The following MTHFD1L variants were observed in gnomAD, a reference collection of about 807,000 sequenced individuals.
MTHFD1L encodes methylenetetrahydrofolate dehydrogenase (NADP+ dependent) 1 like.
A neutral mutation model predicts 119.5 loss-of-function variants in MTHFD1L; 81 were observed. The observed-to-expected ratio is 0.68, with a 90% CI of 0.57 to 0.82. The LOEUF is 0.82. Ranked by LOEUF, MTHFD1L falls within the 40% of genes least tolerant of loss-of-function variation. The probability of loss-of-function intolerance (pLI) is 0.00; values close to 1 mark genes in which losing one functional copy is unlikely to be tolerated. For missense variants in MTHFD1L, 1,125 were observed against 1,253.4 expected (o/e 0.90, Z 1.55); for synonymous variants, 430 against 475.2 (o/e 0.90, Z 1.24).
chr6:150,961,294 A>G (rs1796413266), intron 18 of MTHFD1L, among the ~76,000 whole-genome samples: 2 of 152,214 alleles, frequency 1.3e-5, no homozygotes, highest in African/African-American at 2.4e-5. Flanking sequence ...GGGTTTCACC[A>G]GGTTGTCCAG....
Position 151,078,052 on chromosome 6 carries a change from C to CAA in MTHFD1L, c.2848-14394_2848-14393dup, listed in dbSNP as rs71014538. ...TGGGCGACAGAGCAAGACTCTGTCT[C>CAA]AAAAAAAAAAAAAAAAAAAAAATCA... is the stretch of plus-strand genomic sequence containing the variant. On this transcript the variant is annotated intron_variant, in intron 26 of 27. Transcript: ENST00000367321. 2.0e-3 allele frequency among the ~76,000 whole-genome samples: 119 copies of CAA among 59,902 alleles called. 12 individuals are homozygous for CAA. The highest frequency in any genetic ancestry group is 0.014 in the East Asian group (20 of 1,446). 39.3% of individuals were successfully genotyped at this position (59,902 alleles called of 152,430 possible). A position where few individuals can be genotyped will look rare whatever the true frequency, so the allele number is the denominator to read the frequency against.
chr6:150,986,138 A>G (rs1299378224), intron 20 of MTHFD1L, among the ~76,000 whole-genome samples: 1 of 152,178 alleles, frequency 6.6e-6, no homozygotes, highest in Non-Finnish European at 1.5e-5. Context: ...TGTTACTTTT[A>G]CCCAGCCAAG....
chr6:150,900,797 C>T (rs1784982489), intron 7 of MTHFD1L, among the ~76,000 whole-genome samples: 1 of 151,964 alleles, frequency 6.6e-6, no homozygotes, highest in South Asian at 2.1e-4. Context: ...GGGCAGATCA[C>T]GAGGTCAGGA....
chr6:150,971,421 A>G (rs1464221940), intron 19 of MTHFD1L, among the ~76,000 whole-genome samples: 1 of 151,652 alleles, frequency 6.6e-6, no homozygotes, highest in Non-Finnish European at 1.5e-5. Flanking sequence ...CCAGTCTTGA[A>G]CTCCTGACCT....
chr6:150,916,421 C>T (rs1191565741), intron 8 of MTHFD1L, among the ~76,000 whole-genome samples: 1 of 142,540 alleles, frequency 7.0e-6, no homozygotes, highest in African/African-American at 2.6e-5. Context: ...CTGCTTCAGC[C>T]TCCCTAGTAG....
intron 26 of MTHFD1L, among the ~76,000 whole-genome samples, chr6:151,066,634 A>G (rs562311306): frequency 1.2e-4 from 18 of 151,546 alleles, no homozygotes; most frequent in Admixed American, 2.6e-4. Context: ...GCGTGGTGGC[A>G]GGCGCCTGTT....
intron 25 of MTHFD1L, among the ~76,000 whole-genome samples, chr6:151,035,600 T>A (rs1786043990): frequency 6.6e-6 from 1 of 152,180 alleles, no homozygotes; most frequent in Non-Finnish European, 1.5e-5. Flanking sequence ...TGCACAGGCA[T>A]TGTGGTGAAA....
chr6:150,955,651 A>T (rs1738591), intron 16 of MTHFD1L, among the ~76,000 whole-genome samples: 44,412 of 151,482 alleles, frequency 0.29, 6,797 homozygotes, highest in East Asian at 0.49. Flanking sequence ...AGGCACACAC[A>T]ACCATGCCTG....
At chr6:150,892,965 G>A (rs531442328) in intron 7 of MTHFD1L, among the ~76,000 whole-genome samples, 8 of 152,252 alleles carry the variant, frequency 5.3e-5, no homozygotes, top group Non-Finnish European at 1.0e-4. Context: ...CTAGGCATGG[G>A]TTAGTGTCCT....
At chr6:150,953,005 C>T (rs568399876) in intron 16 of MTHFD1L, among the ~76,000 whole-genome samples, 3 of 152,266 alleles carry the variant, frequency 2.0e-5, no homozygotes, top group South Asian at 2.1e-4. Context: ...TCTGCCTGTC[C>T]GAGCCCCGGG....
chr6:150,879,490 T>A (rs1781026703), intron 4 of MTHFD1L, among the ~76,000 whole-genome samples: 1 of 151,832 alleles, frequency 6.6e-6, no homozygotes, highest in Non-Finnish European at 1.5e-5. Flanking sequence ...GGTTTCATCA[T>A]GTTGACCAGG....
rs181123532 is a variant in MTHFD1L, at chr6:150,961,570, A to G, written c.1944+1155A>G. Among the ~76,000 whole-genome samples the G allele has an allele frequency of 3.5e-3, 533 of 152,346 alleles. 7 individuals carry two copies. The highest frequency in any genetic ancestry group is 0.033 in the Admixed American group (505 of 15,302). ...ATGGAACTTAAAATGCACACTGGTGATTGGTAAGCAGTTGTGAACAGAGAG... is the reference window on the plus strand; with the variant it reads ...ATGGAACTTAAAATGCACACTGGTGGTTGGTAAGCAGTTGTGAACAGAGAG... On this transcript the variant is annotated intron_variant, in intron 18 of 27. Transcript: ENST00000367321.
At chr6:150,903,774 A>G (rs1423276996) in intron 7 of MTHFD1L, among the ~76,000 whole-genome samples, 3 of 152,168 alleles carry the variant, frequency 2.0e-5, no homozygotes, top group Non-Finnish European at 4.4e-5. Flanking sequence ...TCTTTTGAAG[A>G]TGATTAATAC....
intron 19 of MTHFD1L, among the ~76,000 whole-genome samples, chr6:150,970,775 G>A (rs1369889320): frequency 1.3e-5 from 2 of 152,156 alleles, no homozygotes; most frequent in Admixed American, 1.3e-4. Flanking sequence ...GTATCTTATA[G>A]CTATATCCAT....
At chr6:151,008,690 G>A (rs1173107694) in intron 20 of MTHFD1L, among the ~76,000 whole-genome samples, 1 of 152,156 alleles carries the variant, frequency 6.6e-6, no homozygotes, top group African/African-American at 2.4e-5. Flanking sequence ...AGTGTTTTCT[G>A]GTGTTTCTCT....
intron 24 of MTHFD1L, among the ~76,000 whole-genome samples, chr6:151,032,444 G>A (rs1242234657): frequency 6.6e-6 from 1 of 152,110 alleles, no homozygotes; most frequent in African/African-American, 2.4e-5. Flanking sequence ...ATTATCGTGA[G>A]GACAGTACCA....
chr6:150,989,354 A>G (rs1048264164), intron 20 of MTHFD1L, among the ~76,000 whole-genome samples: 1 of 152,246 alleles, frequency 6.6e-6, no homozygotes, highest in Non-Finnish European at 1.5e-5. Flanking sequence ...CGCATCCAGT[A>G]TATAAGGAAC....
intron 14 of MTHFD1L, 35 bp downstream of exon 14, chr6:150,944,628 T>C (rs189945106): frequency 4.8e-5 from 71 of 1,490,520 alleles, no homozygotes; most frequent in Middle Eastern, 1.7e-4. Context: ...TTTTGGGTAT[T>C]GTATCCTGGA....
chr6:151,020,679 G>T (rs1783826349), intron 24 of MTHFD1L, among the ~76,000 whole-genome samples: 1 of 152,160 alleles, frequency 6.6e-6, no homozygotes, highest in African/African-American at 2.4e-5. Flanking sequence ...AAATACAGAG[G>T]ATCATTTCCT....
Sources: gnomAD v4.1 joint callset for allele counts (sites outside exome capture counted in the v4.1 genomes callset) on GRCh38, gnomAD v4.1.1 for gene constraint, MANE v1.5 for transcripts, NCBI Gene and HGNC (gene_info 2026-07-23, HGNC 2026-07-21) for gene names.